Variants in KHDRBS3 observed in about 807,000 individuals in gnomAD.
KHDRBS3 encodes KH RNA binding domain containing, signal transduction associated 3, also known as KH domain-containing, RNA-binding, signal transduction-associated protein 3.
In KHDRBS3, 23 loss-of-function variants were observed where a neutral mutation model predicts 45.6. The ratio of observed to expected loss-of-function variants is 0.50; its 90% CI spans 0.36 to 0.72. KHDRBS3 has a LOEUF of 0.72. Among genes scored for constraint, KHDRBS3 ranks in the 30% least tolerant of loss-of-function variants. The probability of loss-of-function intolerance (pLI) is 0.00; values close to 1 mark genes in which losing one functional copy is unlikely to be tolerated. For missense variants in KHDRBS3, 352 were observed against 424.8 expected (o/e 0.83, Z 1.51); for synonymous variants, 162 against 156.5 (o/e 1.04, Z -0.26).
intron 5 of KHDRBS3, among the ~76,000 whole-genome samples, chr8:135,580,019 G>A (rs192772235): frequency 2.6e-5 from 4 of 152,286 alleles, no homozygotes; most frequent in Admixed American, 6.5e-5. Flanking sequence ...AGGTCACAGA[G>A]CATTTGGGCT....
At chr8:135,558,883 C>T (rs569147959) in intron 5 of KHDRBS3, among the ~76,000 whole-genome samples, 3 of 152,088 alleles carry the variant, frequency 2.0e-5, no homozygotes, top group Non-Finnish European at 4.4e-5. Flanking sequence ...TTGGCAAGGT[C>T]GTTCTCTCCC....
chr8:135,552,349 G>A (rs1202670036), intron 4 of KHDRBS3, among the ~76,000 whole-genome samples: 4 of 151,972 alleles, frequency 2.6e-5, no homozygotes. Flanking sequence ...AATTTTAATG[G>A]ACTAGTCTTC....
chr8:135,625,091 G>T, intron 7 of KHDRBS3: 1 of 685,018 alleles, frequency 1.5e-6, no homozygotes. Context: ...AAAGAAACCA[G>T]TGAGTCCTCT....
intron 5 of KHDRBS3, among the ~76,000 whole-genome samples, chr8:135,579,259 T>A (rs1828090307): frequency 6.6e-6 from 1 of 152,242 alleles, no homozygotes; most frequent in Non-Finnish European, 1.5e-5. Flanking sequence ...AGAGTAGACA[T>A]CCTTGCCTTG....
chr8:135,642,602 T>G (rs1831108378), intron 7 of KHDRBS3, among the ~76,000 whole-genome samples: 1 of 152,212 alleles, frequency 6.6e-6, no homozygotes, highest in Non-Finnish European at 1.5e-5. Flanking sequence ...TTCTGTAATG[T>G]GTTAAGCCAG....
At chr8:135,489,861 C>G (rs1349154533) in intron 1 of KHDRBS3, among the ~76,000 whole-genome samples, 1 of 152,116 alleles carries the variant, frequency 6.6e-6, no homozygotes, top group Non-Finnish European at 1.5e-5. Flanking sequence ...GCAGTGATGT[C>G]CTAGGCCTTC....
At chr8:135,521,595 G>A (rs1824913015) in intron 2 of KHDRBS3, among the ~76,000 whole-genome samples, 1 of 152,194 alleles carries the variant, frequency 6.6e-6, no homozygotes. Flanking sequence ...ACTTTGGGAA[G>A]CCTCTTCAAC....
At chr8:135,588,864 A>G (rs912704330) in intron 6 of KHDRBS3, among the ~76,000 whole-genome samples, 2 of 152,126 alleles carry the variant, frequency 1.3e-5, no homozygotes, top group African/African-American at 4.8e-5. Context: ...CCCTATAAGC[A>G]CTTTGAAAGC....
intron 5 of KHDRBS3, among the ~76,000 whole-genome samples, chr8:135,558,825 A>G (rs560841027): frequency 6.6e-6 from 1 of 151,820 alleles, no homozygotes; most frequent in African/African-American, 2.4e-5. Flanking sequence ...TCTGATCGTT[A>G]TGGAGGCCAG....
chr8:135,639,732 A>AGAGTGG (rs1381523747), intron 7 of KHDRBS3, among the ~76,000 whole-genome samples: 1 of 152,188 alleles, frequency 6.6e-6, no homozygotes, highest in Non-Finnish European at 1.5e-5. Flanking sequence ...AGGCCAAGTG[A>AGAGTGG]GAGTGGGAGC....
chr8:135,492,516 C>T (rs200178167), intron 1 of KHDRBS3, among the ~76,000 whole-genome samples: 82 of 145,866 alleles, frequency 5.6e-4, no homozygotes, highest in African/African-American at 1.8e-3. Flanking sequence ...TATATATATA[C>T]ATATATATAT....
intron 1 of KHDRBS3, among the ~76,000 whole-genome samples, chr8:135,459,446 T>G (rs1586538261): frequency 6.6e-6 from 1 of 152,090 alleles, no homozygotes; most frequent in African/African-American, 2.4e-5. Context: ...AGAAAAAAAA[T>G]TAAGTTTTAT....
rs191729508 is a variant in KHDRBS3, at chr8:135,518,826, A to G, written c.89-2411A>G. On this transcript the variant is annotated intron_variant, in intron 1 of 8. Coordinates refer to ENST00000355849, the MANE Select transcript of KHDRBS3 (RefSeq NM_006558.3). Reference sequence around the variant, plus strand: ...ATTCATGGAAAATTTCTGAAAGAGTATATAAAAACAGTTGATTACAATTAT... The same window carrying G: ...ATTCATGGAAAATTTCTGAAAGAGTGTATAAAAACAGTTGATTACAATTAT... Among the ~76,000 whole-genome samples the G allele has an allele frequency of 1.1e-4, 17 of 152,346 alleles. No individual in the cohort carries two copies. The East Asian group carries it at 1.2e-3, about 10-fold the overall frequency.
At chr8:135,630,123 C>A (rs551390555) in intron 7 of KHDRBS3, among the ~76,000 whole-genome samples, 1 of 152,268 alleles carries the variant, frequency 6.6e-6, no homozygotes. Flanking sequence ...TGGAAGAGAA[C>A]CTGGAACAAG....
intron 1 of KHDRBS3, among the ~76,000 whole-genome samples, chr8:135,520,509 C>CT (rs1432938816): frequency 7.9e-5 from 12 of 151,910 alleles, no homozygotes; most frequent in African/African-American, 2.7e-4. Flanking sequence ...AGAGGTAGCA[C>CT]ATTTTTTTTT....
In KHDRBS3 at chr8:135,477,548, C is replaced by T. The variant is rs1247929775; in HGVS notation, c.88+19594C>T. On this transcript the variant is annotated intron_variant, in intron 1 of 8. Transcript: ENST00000355849. ...TGACTTATATTGAACCTGATGAGCT[C>T]AGTGACATGAAACAAACTAGGACTT... Among the ~76,000 whole-genome samples, 247 of 152,198 alleles carry T rather than the reference C, an allele frequency of 1.6e-3. 3 individuals are homozygous for T. Among genetic ancestry groups the T allele is most frequent in the Non-Finnish European group, 1.0e-4 (7 of 68,040 alleles).
chr8:135,626,873 CCTT>C (rs61673441), intron 7 of KHDRBS3, among the ~76,000 whole-genome samples: 30,440 of 150,190 alleles, frequency 0.2, 3,609 homozygotes, highest in Middle Eastern at 0.28. Context: ...ACATTATTCT[CCTT>C]GTCTCCTTTT....
intron 1 of KHDRBS3, among the ~76,000 whole-genome samples, chr8:135,509,516 C>T (rs1163317576): frequency 6.6e-6 from 1 of 152,182 alleles, no homozygotes; most frequent in Non-Finnish European, 1.5e-5. Context: ...AATTTCTACT[C>T]TTTGGTCCTT....
chr8:135,572,333 C>A (rs184447402), intron 5 of KHDRBS3, among the ~76,000 whole-genome samples: 2 of 152,266 alleles, frequency 1.3e-5, no homozygotes, highest in African/African-American at 4.8e-5. Flanking sequence ...GAATGTACTT[C>A]CTTATACACT....
Sources: allele counts gnomAD v4.1 joint callset (sites outside exome capture counted in the v4.1 genomes callset), GRCh38; gene constraint gnomAD v4.1.1; transcripts MANE v1.5; gene names NCBI Gene and HGNC (gene_info 2026-07-23, HGNC 2026-07-21).